Variants in CDH13 observed in about 807,000 individuals in gnomAD.
The protein encoded by CDH13 is cadherin 13.
In CDH13, 24 loss-of-function variants were observed where a neutral mutation model predicts 63.8. The observed-to-expected ratio is 0.38, with a 90% CI of 0.27 to 0.53. The LOEUF (loss-of-function observed/expected upper bound fraction) is 0.53. Ranked by LOEUF, CDH13 falls within the 20% of genes least tolerant of loss-of-function variation. The pLI is 0.85. For synonymous variants in CDH13, 503 were observed against 355.3 expected (o/e 1.42, Z -4.67); for missense variants, 1,049 against 903.1 (o/e 1.16, Z -2.07).
chr16:83,347,603 T>C (rs1430146607), intron 6 of CDH13, among the ~76,000 whole-genome samples: 1 of 152,190 alleles, frequency 6.6e-6, no homozygotes, highest in African/African-American at 2.4e-5. Flanking sequence ...TCCCACTTCC[T>C]GCCCTGAGAG....
At chr16:83,461,083 G>A (rs2073168615) in intron 6 of CDH13, among the ~76,000 whole-genome samples, 1 of 151,768 alleles carries the variant, frequency 6.6e-6, no homozygotes, top group Non-Finnish European at 1.5e-5. Flanking sequence ...GATCATGGAG[G>A]AACACACAGG....
At position 83,348,844 on chromosome 16, in the gene CDH13, A is replaced by G. The variant is rs118092969; in HGVS notation, c.781+3838A>G. Among the ~76,000 whole-genome samples the G allele has an allele frequency of 8.4e-3, 1,287 of 152,372 alleles. 9 individuals carry two copies. The highest frequency in any genetic ancestry group is 0.012 in the Non-Finnish European group (789 of 68,038). ...CCAGTGCTTAGGGAACAGTAAATGT[A>G]CAATGAATGCCTTTGTATTGTTAAC... On this transcript the variant is annotated intron_variant, in intron 6 of 13. Transcript: ENST00000567109.
intron 4 of CDH13, among the ~76,000 whole-genome samples, chr16:83,150,373 T>G (rs575165699): frequency 6.6e-6 from 1 of 152,304 alleles, no homozygotes; most frequent in Admixed American, 6.5e-5. Flanking sequence ...CCCTACCCAC[T>G]TTTCTCTCCC....
intron 8 of CDH13, among the ~76,000 whole-genome samples, chr16:83,628,430 T>C (rs1051389060): frequency 3.9e-5 from 6 of 152,158 alleles, no homozygotes; most frequent in African/African-American, 1.2e-4. Context: ...TTTTTATGTT[T>C]GTCACATCGC....
intron 5 of CDH13, among the ~76,000 whole-genome samples, chr16:83,314,194 C>G (rs185394642): frequency 6.6e-6 from 1 of 152,280 alleles, no homozygotes; most frequent in African/African-American, 2.4e-5. Context: ...TCCCAACACA[C>G]TTTGGGAAAC....
chr16:83,605,936 G>A (rs1357405545), intron 8 of CDH13, among the ~76,000 whole-genome samples: 1 of 152,220 alleles, frequency 6.6e-6, no homozygotes, highest in East Asian at 1.9e-4. Flanking sequence ...ATCACTATGA[G>A]ATCAGGCCTC....
At chr16:83,743,748 C>CTTTTTTTTTTTTTTTTTTTTTTTTTTTTT (rs67886035) in intron 10 of CDH13, among the ~76,000 whole-genome samples, 2 of 76,258 alleles carry the variant, frequency 2.6e-5, no homozygotes, top group South Asian at 6.9e-4. Flanking sequence ...TTTCTTTTTT[C>CTTTTTTTTTTTTTTTTTTTTTTTTTTTTT]TTTTTTTTTT....
intron 1 of CDH13, among the ~76,000 whole-genome samples, chr16:82,683,273 C>G (rs1056949002): frequency 6.6e-6 from 1 of 152,148 alleles, no homozygotes; most frequent in African/African-American, 2.4e-5. Context: ...CTGCAGGAAC[C>G]TAGCCTTCTG....
At chr16:83,485,005 G>A (rs756610208) in intron 6 of CDH13, among the ~76,000 whole-genome samples, 1 of 152,154 alleles carries the variant, frequency 6.6e-6, no homozygotes, top group Non-Finnish European at 1.5e-5. Context: ...CTCTTCTGGT[G>A]CTGAACCCCA....
At chr16:82,752,275 G>C (rs1460664162) in intron 1 of CDH13, among the ~76,000 whole-genome samples, 1 of 152,114 alleles carries the variant, frequency 6.6e-6, no homozygotes, top group Non-Finnish European at 1.5e-5. Flanking sequence ...GGATTTCTCC[G>C]GACTGTTAAC....
intron 1 of CDH13, among the ~76,000 whole-genome samples, chr16:82,675,964 G>C (rs568359961): frequency 1.6e-4 from 24 of 152,298 alleles, no homozygotes; most frequent in African/African-American, 5.1e-4. Flanking sequence ...CTGTGAACCT[G>C]CTTCCCTGGA....
At chr16:83,522,750 G>C (rs972665202) in intron 7 of CDH13, among the ~76,000 whole-genome samples, 1 of 152,184 alleles carries the variant, frequency 6.6e-6, no homozygotes, top group Admixed American at 6.5e-5. Context: ...GGTGGCATCA[G>C]ACTGGCCTGA....
At chr16:83,509,236 A>G (rs2151600439) in intron 7 of CDH13, among the ~76,000 whole-genome samples, 1 of 152,188 alleles carries the variant, frequency 6.6e-6, no homozygotes, top group Admixed American at 6.5e-5. Flanking sequence ...CATGGAAATG[A>G]CTCTTTACAG....
intron 11 of CDH13, among the ~76,000 whole-genome samples, chr16:83,768,461 T>A (rs973395632): frequency 6.6e-6 from 1 of 152,154 alleles, no homozygotes; most frequent in Non-Finnish European, 1.5e-5. Flanking sequence ...GAAACAGGTT[T>A]AATCATAGTG....
intron 5 of CDH13, among the ~76,000 whole-genome samples, chr16:83,280,997 A>G (rs2089153175): frequency 6.6e-6 from 1 of 152,246 alleles, no homozygotes; most frequent in African/African-American, 2.4e-5. Flanking sequence ...ATTAAATTTC[A>G]GAATGGCCAA....
At chr16:83,140,425 T>G (rs549037869) in intron 4 of CDH13, among the ~76,000 whole-genome samples, 1 of 152,306 alleles carries the variant, frequency 6.6e-6, no homozygotes, top group Non-Finnish European at 1.5e-5. Flanking sequence ...GACCCACAGA[T>G]AGGTCTGTTC....
At chr16:83,791,544 G>A (rs1020838816) in intron 13 of CDH13, among the ~76,000 whole-genome samples, 1 of 152,044 alleles carries the variant, frequency 6.6e-6, no homozygotes, top group Admixed American at 6.6e-5. Flanking sequence ...TGGGTGGGGT[G>A]GCTCATACCT....
chr16:83,594,817 G>A (rs543674072), intron 7 of CDH13, among the ~76,000 whole-genome samples: 7 of 152,262 alleles, frequency 4.6e-5, no homozygotes, highest in Non-Finnish European at 7.4e-5. Flanking sequence ...TGTGCAAAAC[G>A]TCGAGGGTCT....
intron 1 of CDH13, among the ~76,000 whole-genome samples, chr16:82,809,870 C>T (rs2037354185): frequency 6.6e-6 from 1 of 152,064 alleles, no homozygotes; most frequent in Non-Finnish European, 1.5e-5. Context: ...GAACAATTTA[C>T]AGCCTTCTCA....
Sources: allele counts gnomAD v4.1 joint callset (sites outside exome capture counted in the v4.1 genomes callset), GRCh38; gene constraint gnomAD v4.1.1; transcripts MANE v1.5; gene names NCBI Gene and HGNC (gene_info 2026-07-23, HGNC 2026-07-21).